XIRP1: variants seen among roughly 807,000 people sequenced by gnomAD.
XIRP1 encodes the protein xin actin-binding repeat-containing protein 1.
For synonymous variants in XIRP1, 984 were observed against 947.0 expected, an observed-to-expected ratio of 1.04 and a Z score of -0.72; for missense variants, 2,378 against 2,345.4, an observed-to-expected ratio of 1.01 and a Z score of -0.29.
chr3:39,184,831 G>A lies in XIRP1; in HGVS notation c.4615C>T (p.Leu1539=), dbSNP rs2039933529. The A allele has an allele frequency of 1.2e-6, 2 of 1,613,746 alleles. No individual in the cohort carries two copies. The highest frequency in any genetic ancestry group is 1.7e-6 in the Non-Finnish European group (2 of 1,179,616). The change falls in exon 2 of 2, where the codon CTG becomes TTG. Residue 1539 remains leucine (L), a synonymous_variant. Transcript: ENST00000340369. ...LTRVSTEVAQ[L]KEQTLARLLD... ...AGCCTTGCCAAGGTCTGTTCCTTCA[G>A]TTGAGCAACTTCCGTGCTGACCCGT... is the stretch of plus-strand genomic sequence containing the variant.
In XIRP1 at chr3:39,185,577, G is replaced by T; in HGVS notation, c.3869C>A (p.Pro1290His). ...AGGGCTGCTGTGGGAGTGAAGAAGG[G>T]GGTCCTTCAGGGGCTCAGAGGCTTG... ...IQQASEPLKD[P>H]LLHSHSSPAG... Residue 1290 changes from proline to histidine, a missense_variant, in exon 2 of 2, where the codon CCC becomes CAC. Pro to His is a moderately conservative substitution (Grantham distance 77). Coordinates refer to ENST00000340369, the MANE Select transcript of XIRP1 (RefSeq NM_194293.4). 2 of 1,587,266 alleles carry T rather than the reference G, an allele frequency of 1.3e-6. No homozygotes were observed. Among genetic ancestry groups the T allele is most frequent in the South Asian group, 1.1e-5 (1 of 87,286 alleles).
chr3:39,184,411 T>C lies in XIRP1; in HGVS notation c.5035A>G (p.Thr1679Ala). ...SPTFISIQSA[T>A]RKPLETPSFK... Reference sequence around the variant, plus strand: ...CTGGGAGTCTCTAGAGGCTTCCTTGTGGCCGACTGGATGGAGATAAATGTT... The same window carrying C: ...CTGGGAGTCTCTAGAGGCTTCCTTGCGGCCGACTGGATGGAGATAAATGTT... Residue 1679 changes from threonine to alanine, a missense_variant, in exon 2 of 2, where the codon ACA (threonine) becomes GCA (alanine). Coordinates refer to ENST00000340369, the MANE Select transcript of XIRP1 (RefSeq NM_194293.4). The C allele has an allele frequency of 6.2e-7, 1 of 1,614,186 alleles. No homozygotes were observed.
At chr3:39,190,142 A>G (rs1237751705) in intron 1 of XIRP1, among the ~76,000 whole-genome samples, 3 of 152,202 alleles carry the variant, frequency 2.0e-5, no homozygotes, top group Non-Finnish European at 4.4e-5. Flanking sequence ...TGCTCATCAG[A>G]TATCTCGTGC....
chr3:39,187,171 A>T lies in XIRP1; in HGVS notation c.2275T>A (p.Ser759Thr). The change falls in exon 2 of 2, where the codon TCA (serine) becomes ACA (threonine). Residue 759 changes from serine to threonine, a missense_variant. Ser to Thr is a moderately conservative substitution (Grantham distance 58, BLOSUM62 1). Coordinates refer to ENST00000340369, the MANE Select transcript of XIRP1 (RefSeq NM_194293.4). Reference sequence around the variant, plus strand: ...TGGCTCTCTTGCATCCTGTTGCCTGAGGGGCTCATGGGCTGCTCTTCCAGG... The same window carrying T: ...TGGCTCTCTTGCATCCTGTTGCCTGTGGGGCTCATGGGCTGCTCTTCCAGG... ...NLLEEQPMSP[S>T]GNRMQESQET... The T allele has an allele frequency of 3.7e-6, 6 of 1,605,482 alleles. No homozygotes were observed.
chr3:39,189,040 C>G lies in XIRP1; in HGVS notation c.406G>C (p.Ala136Pro). The change falls in exon 2 of 2, where the codon GCC (alanine) becomes CCC (proline). Residue 136 changes from alanine (A) to proline (P), a missense_variant. Coordinates refer to ENST00000340369, the MANE Select transcript of XIRP1 (RefSeq NM_194293.4). ...TSRKFEEGSF[A>P]NSTDQEPTRP... ...GTTGGCTCCTGGTCTGTGCTGTTGG[C>G]AAAGGAGCCTTCCTCAAACTTGCGG... 1.9e-6 allele frequency: 3 copies of G among 1,614,124 alleles called. No individual in the cohort carries two copies. Among genetic ancestry groups the G allele is most frequent in the Non-Finnish European group, 1.7e-6 (2 of 1,180,052 alleles).
At position 39,187,474 on chromosome 3, in the gene XIRP1, T is replaced by C. The variant is rs373562077; in HGVS notation, c.1972A>G (p.Thr658Ala). ...TCGGTCTCAAAGACGTGTCTGTCTG[T>C]CTGTCTTTCCCCAGCCGGGACCTGG... is the stretch of plus-strand genomic sequence containing the variant. ...VSQVPAGERQ[T>A]DRHVFETEPL... Residue 658 changes from threonine (T) to alanine (A), a missense_variant, in exon 2 of 2, where the codon ACA becomes GCA. Thr to Ala is a moderately conservative substitution (Grantham distance 58, BLOSUM62 0). Coordinates refer to ENST00000340369, the MANE Select transcript of XIRP1 (RefSeq NM_194293.4). The C allele has an allele frequency of 1.2e-6, 2 of 1,613,940 alleles. No homozygotes were observed. The highest frequency in any genetic ancestry group is 1.7e-6 in the Non-Finnish European group (2 of 1,180,042).
Position 39,186,314 on chromosome 3 carries a change from C to G in XIRP1, c.3132G>C (p.Pro1044=). ...CCAGGAGGTCTGGGGCCCCAGGCCC[C>G]GGAGGGGTAGTCGTGGCTCCTTCTG... ...GKSEGATTTP[P]GPGAPDLLAA... The change falls in exon 2 of 2, where the codon CCG becomes CCC. Residue 1044 remains proline (P), a synonymous_variant. Coordinates refer to ENST00000340369, the MANE Select transcript of XIRP1 (RefSeq NM_194293.4). 1 of 1,614,068 alleles carries G rather than the reference C, an allele frequency of 6.2e-7. No homozygotes were observed. Among genetic ancestry groups the G allele is most frequent in the South Asian group, 1.1e-5 (1 of 91,078 alleles).
rs1438178691 is a variant in XIRP1 at position 39,189,353 on chromosome 3, C to T, written c.93G>A (p.Glu31=). The T allele has an allele frequency of 6.2e-7, 1 of 1,612,472 alleles. No individual in the cohort carries two copies. Among genetic ancestry groups the T allele is most frequent in the Non-Finnish European group, 8.5e-7 (1 of 1,179,772 alleles). ...DLPLPPPPAL[E]DLPLPPPKES... Reference sequence around the variant, plus strand: ...CCTTGGGTGGCGGCAGTGGCAGGTCCTCCAGGGCTGGGGGTGGAGGGAGGG... The same window carrying T: ...CCTTGGGTGGCGGCAGTGGCAGGTCTTCCAGGGCTGGGGGTGGAGGGAGGG... The change falls in exon 2 of 2, where the codon GAG becomes GAA. Residue 31 remains glutamate (E), a synonymous_variant. Coordinates refer to ENST00000340369, the MANE Select transcript of XIRP1 (RefSeq NM_194293.4).
rs2039934564 is a variant in XIRP1, at chr3:39,184,882, C to T, written c.4564G>A (p.Val1522Met). 6.2e-7 allele frequency: 1 copy of T among 1,600,702 alleles called. No individual in the cohort carries two copies. The change falls in exon 2 of 2, where the codon GTG becomes ATG. Residue 1522 changes from valine (V) to methionine (M), a missense_variant. By Grantham distance (21) the Val-to-Met change is conservative (BLOSUM62 1). Coordinates refer to ENST00000340369, the MANE Select transcript of XIRP1 (RefSeq NM_194293.4). The part of the protein sequence containing the change: ...PAAHQKPEAS[V>M]EQAFGELTRV... ...GTCAGCTCCCCAAAGGCCTGCTCCACTGAGGCCTCGGGCTTTTGGTGGGCA... is the reference window on the plus strand; with the variant it reads ...GTCAGCTCCCCAAAGGCCTGCTCCATTGAGGCCTCGGGCTTTTGGTGGGCA...
At position 39,183,954 on chromosome 3, in the gene XIRP1, ACCGTCT is replaced by A; in HGVS notation, c.5486_5491del (p.Glu1829_Thr1830del). 1 of 1,611,856 alleles carries A rather than the reference ACCGTCT, an allele frequency of 6.2e-7. No homozygotes were observed. The highest frequency in any genetic ancestry group is 1.1e-5 in the South Asian group (1 of 91,006). ...CTGGGAGTAGCTGCAGGACACCTGC[ACCGTCT>A]CAGCTTCTGTCAGGTCACTGCTGAA... On this transcript the variant is annotated inframe_deletion, in exon 2 of 2. Transcript: ENST00000340369.
In XIRP1 at chr3:39,187,053, C is replaced by T; in HGVS notation, c.2393G>A (p.Gly798Glu). 1 of 1,612,560 alleles carries T rather than the reference C, an allele frequency of 6.2e-7. No homozygotes were observed. Among genetic ancestry groups the T allele is most frequent in the Non-Finnish European group, 8.5e-7 (1 of 1,178,726 alleles). The change falls in exon 2 of 2, where the codon GGG (glycine) becomes GAG (glutamate). Residue 798 changes from glycine to glutamate, a missense_variant. Gly to Glu is a moderately conservative substitution (Grantham distance 98). Transcript: ENST00000340369. ...GGILMEARGP[G>E]ELCLAKYVLS... ...CACATACTTGGCAAGACAGAGCTCCCCTGGCCCTCGGGCCTCCATGAGGAT... is the reference window on the plus strand; with the variant it reads ...CACATACTTGGCAAGACAGAGCTCCTCTGGCCCTCGGGCCTCCATGAGGAT...
At position 39,187,492 on chromosome 3, in the gene XIRP1, G is replaced by A; in HGVS notation, c.1954C>T (p.Pro652Ser). ...CTGTCTGTCTGTCTTTCCCCAGCCGGGACCTGGCTAACCTGCAGGTGCTGC... is the reference window on the plus strand; with the variant it reads ...CTGTCTGTCTGTCTTTCCCCAGCCGAGACCTGGCTAACCTGCAGGTGCTGC... ...REQHLQVSQV[P>S]AGERQTDRHV... The change falls in exon 2 of 2, where the codon CCG (proline) becomes TCG (serine). Residue 652 changes from proline (P) to serine (S), a missense_variant. Transcript: ENST00000340369. The A allele has an allele frequency of 6.2e-7, 1 of 1,614,042 alleles. No homozygotes were observed. Among genetic ancestry groups the A allele is most frequent in the Non-Finnish European group, 8.5e-7 (1 of 1,180,034 alleles).
chr3:39,192,194 C>G (rs2040096058), intron 1 of XIRP1, among the ~76,000 whole-genome samples: 2 of 152,358 alleles, frequency 1.3e-5, no homozygotes, highest in Middle Eastern at 6.8e-3. Flanking sequence ...GCCAGCCTGG[C>G]AGGAGCCTAT....
At chr3:39,191,169 CT>C in intron 1 of XIRP1, among the ~76,000 whole-genome samples, 1 of 152,326 alleles carries the variant, frequency 6.6e-6, no homozygotes, top group South Asian at 2.1e-4. Context: ...ACATCAGAAC[CT>C]TTGGGGAATG....
rs138653994 is a variant in XIRP1, at chr3:39,183,951, T to C, written c.5495A>G (p.Gln1832Arg). The change falls in exon 2 of 2, where the codon CAG (glutamine) becomes CGG (arginine). Residue 1832 changes from glutamine (Q) to arginine (R), a missense_variant. Transcript: ENST00000340369. The part of the protein sequence containing the change: ...SSDLTEAETV[Q>R]VSCSYSQPAA... ...TGGCTGGGAGTAGCTGCAGGACACC[T>C]GCACCGTCTCAGCTTCTGTCAGGTC... 3.2e-4 allele frequency: 512 copies of C among 1,611,742 alleles called. No homozygotes were observed. Among genetic ancestry groups the C allele is most frequent in the African/African-American group, 1.9e-3 (144 of 74,978 alleles).
At position 39,189,463 on chromosome 3, in the gene XIRP1, G is replaced by A; in HGVS notation, c.-18C>T. 1.3e-6 allele frequency: 2 copies of A among 1,565,038 alleles called. No homozygotes were observed. Among genetic ancestry groups the A allele is most frequent in the East Asian group, 2.2e-5 (1 of 44,512 alleles). ...TCGGCCATCCTTCTGAGAAGAAGGG[G>A]CAGAGATGAGGATGGGATTGGGAGC... is the stretch of plus-strand genomic sequence containing the variant. On this transcript the variant is annotated 5_prime_UTR_variant, in exon 2 of 2. Coordinates refer to ENST00000340369, the MANE Select transcript of XIRP1 (RefSeq NM_194293.4).
In XIRP1 at chr3:39,189,571, G is replaced by A. The variant is rs1306108957; in HGVS notation, c.-80-46C>T. On this transcript the variant is annotated intron_variant, in intron 1 of 1. Transcript: ENST00000340369. ...CAGGGCTCAGAGTCAGAGTAGCTCT[G>A]GGTGACTTACGCTTAGAGACTCCTT... is the stretch of plus-strand genomic sequence containing the variant. 7 of 1,428,862 alleles carry A rather than the reference G, an allele frequency of 4.9e-6. No individual in the cohort carries two copies. In the East Asian group the frequency reaches 1.6e-4, roughly 33 times the overall value. 88.5% of individuals were successfully genotyped at this position (1,428,862 alleles called of 1,614,324 possible). A position where few individuals can be genotyped will look rare whatever the true frequency, so the allele number is the denominator to read the frequency against.
At position 39,188,193 on chromosome 3, in the gene XIRP1, C is replaced by A; in HGVS notation, c.1253G>T (p.Ser418Ile). The change falls in exon 2 of 2, where the codon AGC (serine) becomes ATC (isoleucine). Residue 418 changes from serine (S) to isoleucine (I), a missense_variant. Physicochemically the swap from Ser to Ile is moderately radical, Grantham distance 142. Coordinates refer to ENST00000340369, the MANE Select transcript of XIRP1 (RefSeq NM_194293.4). ...CTGAGAGAAGGGCAGTGCTGAGGAG[C>A]TGTCACTGGATAGATGCCCCTCACC... ...QDGEGHLSSD[S>I]SSALPFSQSA... is the part of the protein sequence containing the mutation. 1 of 1,614,198 alleles carries A rather than the reference C, an allele frequency of 6.2e-7. No homozygotes were observed. Among genetic ancestry groups the A allele is most frequent in the Non-Finnish European group, 8.5e-7 (1 of 1,180,038 alleles).
intron 1 of XIRP1, among the ~76,000 whole-genome samples, chr3:39,190,102 G>A (rs2040066728): frequency 2.6e-5 from 4 of 152,214 alleles, no homozygotes; most frequent in Non-Finnish European, 5.9e-5. Context: ...ATGCTAGAGC[G>A]GAAGCAGTTG....
Sources: gnomAD v4.1 joint callset for allele counts (sites outside exome capture counted in the v4.1 genomes callset) on GRCh38, gnomAD v4.1.1 for gene constraint, MANE v1.5 for transcripts, NCBI Gene and HGNC (gene_info 2026-07-23, HGNC 2026-07-21) for gene names.